Variants in SNX29 observed in about 807,000 individuals in gnomAD.
SNX29 encodes sorting nexin-29.
SNX29 carries 78 observed loss-of-function variants against 102.1 expected under a neutral mutation model. That is an observed-to-expected ratio of 0.76 (90% CI 0.64 to 0.92). SNX29 has a LOEUF of 0.92. SNX29 is among the 40% of genes least tolerant of loss of function. The pLI, the probability that SNX29 is intolerant of heterozygous loss-of-function variation, is 0.00. For missense variants in SNX29, 1,280 were observed against 1,061.7 expected (o/e 1.21, Z -2.86); for synonymous variants, 580 against 414.5 (o/e 1.40, Z -4.85).
intron 16 of SNX29, among the ~76,000 whole-genome samples, chr16:12,358,068 G>C (rs1292478424): frequency 6.6e-6 from 1 of 152,100 alleles, no homozygotes; most frequent in Non-Finnish European, 1.5e-5. Flanking sequence ...ATCACTTCCT[G>C]GGTCCATTAC....
chr16:12,271,071 C>G (rs767005644), intron 14 of SNX29, among the ~76,000 whole-genome samples: 1 of 152,256 alleles, frequency 6.6e-6, no homozygotes, highest in Non-Finnish European at 1.5e-5. Context: ...AGTGGTCTCT[C>G]AAGAAGTAAC....
intron 13 of SNX29, among the ~76,000 whole-genome samples, chr16:12,190,110 G>T (rs946892329): frequency 6.6e-6 from 1 of 152,130 alleles, no homozygotes; most frequent in Non-Finnish European, 1.5e-5. Context: ...TCAGGGTTAT[G>T]GGGAGATTTG....
At chr16:11,987,908 G>A (rs901647844) in intron 1 of SNX29, among the ~76,000 whole-genome samples, 8 of 152,116 alleles carry the variant, frequency 5.3e-5, no homozygotes, top group African/African-American at 1.4e-4. Flanking sequence ...TTGCCACATC[G>A]CTTTTCAGAA....
intron 18 of SNX29, among the ~76,000 whole-genome samples, chr16:12,417,475 T>G (rs1419000119): frequency 6.6e-6 from 1 of 152,060 alleles, no homozygotes; most frequent in Non-Finnish European, 1.5e-5. Flanking sequence ...TCAGAGGGGG[T>G]GGGTGGTTCT....
At chr16:12,514,415 C>T (rs1212774402) in intron 19 of SNX29, among the ~76,000 whole-genome samples, 2 of 152,188 alleles carry the variant, frequency 1.3e-5, no homozygotes, top group Non-Finnish European at 2.9e-5. Flanking sequence ...AGCTGCCTTT[C>T]TCTCCCACTG....
intron 14 of SNX29, among the ~76,000 whole-genome samples, chr16:12,252,595 T>G (rs1250416884): frequency 6.6e-6 from 1 of 152,238 alleles, no homozygotes; most frequent in South Asian, 2.1e-4. Flanking sequence ...CCTGAACGTG[T>G]GTGCATTTCC....
intron 11 of SNX29, among the ~76,000 whole-genome samples, chr16:12,115,329 A>G (rs2053650983): frequency 6.6e-6 from 1 of 152,086 alleles, no homozygotes; most frequent in African/African-American, 2.4e-5. Flanking sequence ...CCTAGGGTTT[A>G]TAGACTCATG....
chr16:12,259,494 A>T (rs1288995720), intron 14 of SNX29, among the ~76,000 whole-genome samples: 3 of 152,110 alleles, frequency 2.0e-5, no homozygotes, highest in Admixed American at 6.5e-5. Context: ...CGCAGCCCCC[A>T]CCTGGCTCCC....
chr16:11,998,724 C>G (rs1291892584), intron 1 of SNX29, among the ~76,000 whole-genome samples: 1 of 152,172 alleles, frequency 6.6e-6, no homozygotes, highest in African/African-American at 2.4e-5. Flanking sequence ...GGAGCCACTT[C>G]TGCTTTCTTC....
In SNX29 at chr16:12,075,753, TGCCC is replaced by T. The variant is rs2051529795; in HGVS notation, c.1320-3079_1320-3076del. 2.6e-5 allele frequency among the ~76,000 whole-genome samples: 4 copies of T among 152,222 alleles called. No individual in the cohort carries two copies. In the South Asian group the frequency reaches 8.3e-4, roughly 31 times the overall value. On this transcript the variant is annotated intron_variant, in intron 10 of 20. Transcript: ENST00000566228. ...TTACTGCTGTCTTTTTGTTTGTCTGTGCCCTGCCCCCAGAGGTGGAGCCTACAGA... is the reference window on the plus strand; with the variant it reads ...TTACTGCTGTCTTTTTGTTTGTCTGTTGCCCCCAGAGGTGGAGCCTACAGA...
At chr16:12,521,460 G>A (rs911459519) in intron 19 of SNX29, among the ~76,000 whole-genome samples, 2 of 151,992 alleles carry the variant, frequency 1.3e-5, no homozygotes, top group Non-Finnish European at 2.9e-5. Context: ...CATTTTGGGG[G>A]TGGGGGGTTC....
intron 13 of SNX29, among the ~76,000 whole-genome samples, chr16:12,173,181 G>A (rs1386456588): frequency 2.0e-5 from 3 of 152,228 alleles, no homozygotes; most frequent in South Asian, 4.1e-4. Flanking sequence ...GATAAAGCTG[G>A]TCTTAGAATT....
chr16:12,068,353 ACACACCTGTAGTCCCTCCC>A (rs2051132375), intron 9 of SNX29, among the ~76,000 whole-genome samples: 2 of 152,078 alleles, frequency 1.3e-5, no homozygotes, highest in African/African-American at 4.8e-5. Context: ...GCATGGTGGC[ACACACCTGTAGTCCCTCCC>A]AGGTACTTGA....
chr16:12,241,922 CCT>C (rs1167542114), intron 14 of SNX29, among the ~76,000 whole-genome samples: 4 of 152,160 alleles, frequency 2.6e-5, no homozygotes, highest in Non-Finnish European at 5.9e-5. Context: ...GGGGCTCCTG[CCT>C]CTGTGCCAGG....
chr16:12,425,345 C>G (rs1301843593), intron 18 of SNX29, among the ~76,000 whole-genome samples: 1 of 151,784 alleles, frequency 6.6e-6, no homozygotes, highest in Non-Finnish European at 1.5e-5. Flanking sequence ...ATCATTAGCT[C>G]AACAGATGCC....
intron 18 of SNX29, among the ~76,000 whole-genome samples, chr16:12,469,096 C>G (rs1194777888): frequency 6.6e-6 from 1 of 152,176 alleles, no homozygotes; most frequent in African/African-American, 2.4e-5. Flanking sequence ...TCTGCCACAT[C>G]CAGACCTTTA....
At chr16:12,208,676 A>G (rs1478039399) in intron 14 of SNX29, among the ~76,000 whole-genome samples, 1 of 152,018 alleles carries the variant, frequency 6.6e-6, no homozygotes, top group African/African-American at 2.4e-5. Context: ...CGTCTCTGCA[A>G]ACAGTTAAAA....
At position 12,381,851 on chromosome 16, in the gene SNX29, T is replaced by TCCACTCAC. The variant is rs796385486; in HGVS notation, c.1900-16583_1900-16576dup. 6.5e-5 allele frequency among the ~76,000 whole-genome samples: 9 copies of TCCACTCAC among 139,086 alleles called. 2 individuals are homozygous for TCCACTCAC. Among genetic ancestry groups the TCCACTCAC allele is most frequent in the African/African-American group, 2.4e-4 (9 of 36,822 alleles). The allele number at this position is 139,086 out of a possible 152,430, so 91.2% of individuals were successfully genotyped here. A position where few individuals can be genotyped will look rare whatever the true frequency, so the allele number is the denominator to read the frequency against. ...CATCCATCCACTCACCCATTATCCA[T>TCCACTCAC]CCACTCACCCACTCACCCATCATGC... is the stretch of plus-strand genomic sequence containing the variant. On this transcript the variant is annotated intron_variant, in intron 16 of 20. Transcript: ENST00000566228.
chr16:12,536,754 G>C (rs183832540), intron 20 of SNX29, among the ~76,000 whole-genome samples: 54 of 152,286 alleles, frequency 3.5e-4, no homozygotes, highest in African/African-American at 1.1e-3. Context: ...AAGGCAGGCG[G>C]ATCAGGAGGC....
Sources: gnomAD v4.1 joint callset for allele counts (sites outside exome capture counted in the v4.1 genomes callset) on GRCh38, gnomAD v4.1.1 for gene constraint, MANE v1.5 for transcripts, NCBI Gene and HGNC (gene_info 2026-07-23, HGNC 2026-07-21) for gene names.